Variants in SNAP25 observed in about 807,000 individuals in gnomAD.
SNAP25 encodes the protein synaptosome associated protein 25.
SNAP25 carries 3 observed loss-of-function variants against 28.7 expected under a neutral mutation model. The observed-to-expected ratio is 0.10, with a 90% CI of 0.05 to 0.27. The LOEUF (loss-of-function observed/expected upper bound fraction) is 0.27, where lower values mean the gene tolerates loss of function less well. Among genes scored for constraint, SNAP25 ranks in the 10% least tolerant of loss-of-function variants. The pLI, the probability that SNAP25 is intolerant of heterozygous loss-of-function variation, is 1.00. For missense variants in SNAP25, 117 were observed against 278.7 expected (o/e 0.42, Z 4.13); for synonymous variants, 61 against 88.1 (o/e 0.69, Z 1.72).
chr20:10,280,911 G>A (rs552601170), intron 3 of SNAP25, among the ~76,000 whole-genome samples: 1 of 152,146 alleles, frequency 6.6e-6, no homozygotes, highest in African/African-American at 2.4e-5. Context: ...AAAAAAATCA[G>A]GTTGAGCAGT....
intron 1 of SNAP25, among the ~76,000 whole-genome samples, chr20:10,256,174 A>C (rs1429228688): frequency 1.3e-5 from 2 of 152,222 alleles, no homozygotes; most frequent in Non-Finnish European, 2.9e-5. Flanking sequence ...AAGAAATAAT[A>C]ATAGCTAAGA....
At chr20:10,255,592 A>G (rs968105577) in intron 1 of SNAP25, among the ~76,000 whole-genome samples, 8 of 152,238 alleles carry the variant, frequency 5.3e-5, no homozygotes, top group Non-Finnish European at 4.4e-5. Flanking sequence ...AATAAAGAGT[A>G]CAACTTGAGT....
Position 10,263,009 on chromosome 20 carries a change from C to CTTTTTTTTTT in SNAP25, c.-63-12402_-63-12393dup, listed in dbSNP as rs57690835. Among the ~76,000 whole-genome samples the CTTTTTTTTTT allele has an allele frequency of 1.6e-4, 8 of 50,644 alleles. 2 individuals carry two copies. The highest frequency in any genetic ancestry group is 3.1e-4 in the African/African-American group (4 of 12,796). The allele number at this position is 50,644 out of a possible 152,430, so 33.2% of individuals were successfully genotyped here. A position where few individuals can be genotyped will look rare whatever the true frequency, so the allele number is the denominator to read the frequency against. ...TCAGGCGAAGCAACCCTGGGGTGCT[C>CTTTTTTTTTT]TTTTTTTTTTTTTTTTTTTTTTTTT... On this transcript the variant is annotated intron_variant, in intron 1 of 7. Transcript: ENST00000254976.
chr20:10,304,581 A>G (rs2064312133), intron 7 of SNAP25, among the ~76,000 whole-genome samples: 1 of 152,230 alleles, frequency 6.6e-6, no homozygotes, highest in Non-Finnish European at 1.5e-5. Context: ...ATTTATTGAT[A>G]CCATCAGTTT....
chr20:10,285,438 A>G (rs2063856993), intron 4 of SNAP25, among the ~76,000 whole-genome samples: 1 of 152,202 alleles, frequency 6.6e-6, no homozygotes, highest in Admixed American at 6.5e-5. Flanking sequence ...TCTTCATCTC[A>G]ATGTATCTAG....
At chr20:10,285,501 G>A (rs967681589) in intron 4 of SNAP25, among the ~76,000 whole-genome samples, 4 of 152,034 alleles carry the variant, frequency 2.6e-5, no homozygotes, top group African/African-American at 7.2e-5. Flanking sequence ...ACCTGATTCC[G>A]TTCTGAATTC....
At chr20:10,277,108 G>C (rs1462130541) in intron 2 of SNAP25, among the ~76,000 whole-genome samples, 1 of 152,156 alleles carries the variant, frequency 6.6e-6, no homozygotes, top group Non-Finnish European at 1.5e-5. Flanking sequence ...CAGCCTTTCC[G>C]TCTCGTTTTT....
intron 7 of SNAP25, among the ~76,000 whole-genome samples, chr20:10,301,821 G>A (rs2064243704): frequency 6.8e-6 from 1 of 146,144 alleles, no homozygotes; most frequent in Admixed American, 6.9e-5. Flanking sequence ...GGGTATTTAT[G>A]TATATAAATA....
intron 3 of SNAP25, among the ~76,000 whole-genome samples, chr20:10,278,312 G>A (rs1313293794): frequency 1.3e-5 from 2 of 152,156 alleles, no homozygotes; most frequent in Non-Finnish European, 2.9e-5. Context: ...CCTGGATTGA[G>A]CATCCATTTG....
At chr20:10,260,730 C>A (rs1433293893) in intron 1 of SNAP25, among the ~76,000 whole-genome samples, 1 of 150,916 alleles carries the variant, frequency 6.6e-6, no homozygotes, top group Non-Finnish European at 1.5e-5. Flanking sequence ...CACAAACACA[C>A]ACACACACAC....
intron 4 of SNAP25, among the ~76,000 whole-genome samples, chr20:10,288,008 G>A (rs1019160037): frequency 2.0e-5 from 3 of 151,448 alleles, no homozygotes; most frequent in African/African-American, 7.3e-5. Flanking sequence ...GGGGACTCTT[G>A]TGGGGTGGGG....
At chr20:10,243,927 T>C (rs1377383072) in intron 1 of SNAP25, among the ~76,000 whole-genome samples, 38 of 149,280 alleles carry the variant, frequency 2.5e-4, no homozygotes. Context: ...CTTCATCTCT[T>C]TGCCTTAGTT....
intron 3 of SNAP25, among the ~76,000 whole-genome samples, chr20:10,284,002 C>T (rs2123059109): frequency 6.6e-6 from 1 of 152,236 alleles, no homozygotes; most frequent in African/African-American, 2.4e-5. Context: ...TAAAGACTTC[C>T]CCGGCACAGA....
chr20:10,279,392 C>CT (rs1268524916), intron 3 of SNAP25, among the ~76,000 whole-genome samples: 1 of 152,086 alleles, frequency 6.6e-6, no homozygotes, highest in East Asian at 1.9e-4. Context: ...TCCCATTTTT[C>CT]TTTTTTTGGT....
chr20:10,296,725 C>A (rs371388350), intron 5 of SNAP25, 200 bp from the exon 6 acceptor site: 10 of 633,278 alleles, frequency 1.6e-5, no homozygotes, highest in African/African-American at 1.5e-4. Context: ...GCAATGGATT[C>A]GATTGGAAGT....
chr20:10,272,686 C>T (rs959925085), intron 1 of SNAP25, among the ~76,000 whole-genome samples: 17 of 152,174 alleles, frequency 1.1e-4, no homozygotes, highest in Admixed American at 7.2e-4. Context: ...GGCCAGAACA[C>T]GCATTCGAAA....
At chr20:10,235,083 A>T (rs1351820580) in intron 1 of SNAP25, among the ~76,000 whole-genome samples, 2 of 151,956 alleles carry the variant, frequency 1.3e-5, no homozygotes, top group Non-Finnish European at 2.9e-5. Flanking sequence ...AATAAAGTAA[A>T]TTAGTTGGGC....
chr20:10,287,917 T>C (rs2063915467), intron 4 of SNAP25, among the ~76,000 whole-genome samples: 1 of 150,610 alleles, frequency 6.6e-6, no homozygotes, highest in African/African-American at 2.4e-5. Context: ...GACCAAAAAA[T>C]CAAACACCGC....
chr20:10,304,523 T>G (rs1263879995), intron 7 of SNAP25, among the ~76,000 whole-genome samples: 1 of 152,198 alleles, frequency 6.6e-6, no homozygotes, highest in African/African-American at 2.4e-5. Flanking sequence ...GAAAATGTTA[T>G]TAAGAAAATC....
Sources: allele counts gnomAD v4.1 joint callset (sites outside exome capture counted in the v4.1 genomes callset), GRCh38; gene constraint gnomAD v4.1.1; transcripts MANE v1.5; gene names NCBI Gene and HGNC (gene_info 2026-07-23, HGNC 2026-07-21).